TXLNB: variants seen among roughly 807,000 people sequenced by gnomAD.
The protein encoded by TXLNB is taxilin beta, also known as beta-taxilin.
In TXLNB, 37 loss-of-function variants were observed where a neutral mutation model predicts 57.4. That is an observed-to-expected ratio of 0.64 (90% CI 0.50 to 0.85). The LOEUF (loss-of-function observed/expected upper bound fraction) is 0.85, where lower values mean the gene tolerates loss of function less well. Among genes scored for constraint, TXLNB ranks in the 40% least tolerant of loss-of-function variants. TXLNB has a pLI of 0.00. For missense variants in TXLNB, 848 were observed against 825.6 expected (o/e 1.03, Z -0.33); for synonymous variants, 302 against 309.6 (o/e 0.98, Z 0.26).
chr6:139,287,759 G>A (rs1013918253), intron 2 of TXLNB, among the ~76,000 whole-genome samples: 43 of 152,120 alleles, frequency 2.8e-4, no homozygotes, highest in African/African-American at 9.2e-4. Flanking sequence ...AAAAATTAAC[G>A]TTCTCACCCT....
At chr6:139,167,706 A>C in the TXLNB span, among the ~76,000 whole-genome samples, 1 of 152,184 alleles carries the variant, frequency 6.6e-6, no homozygotes, top group Non-Finnish European at 1.5e-5. Flanking sequence ...CAGTGAGGAA[A>C]AGCAGTGGTC....
chr6:139,201,837 G>A, the TXLNB span: 3 of 152,222 alleles, frequency 2.0e-5, no homozygotes, highest in Non-Finnish European at 4.4e-5. Flanking sequence ...CACACTGGCT[G>A]ACTCAAACAC....
chr6:139,181,517 C>T, the TXLNB span, among the ~76,000 whole-genome samples: 1 of 152,184 alleles, frequency 6.6e-6, no homozygotes, highest in African/African-American at 2.4e-5. Context: ...TATTGCGGTG[C>T]TTGTATTCAG....
At chr6:139,318,437 G>A in the TXLNB span, among the ~76,000 whole-genome samples, 1 of 151,650 alleles carries the variant, frequency 6.6e-6, no homozygotes, top group Non-Finnish European at 1.5e-5. Context: ...GAGAATGAGA[G>A]ATAAACAATA....
intron 4 of TXLNB, among the ~76,000 whole-genome samples, chr6:139,269,758 A>G (rs1776710363): frequency 6.6e-6 from 1 of 152,170 alleles, no homozygotes; most frequent in Non-Finnish European, 1.5e-5. Context: ...GGGATTGGGG[A>G]TGCACACAGT....
At chr6:139,291,292 A>G (rs1777296127) in intron 1 of TXLNB, among the ~76,000 whole-genome samples, 1 of 152,194 alleles carries the variant, frequency 6.6e-6, no homozygotes, top group South Asian at 2.1e-4. Context: ...AAATCCATAC[A>G]TGGGTTTTAA....
the TXLNB span, among the ~76,000 whole-genome samples, chr6:139,171,229 G>A: frequency 8.6e-5 from 13 of 151,344 alleles, no homozygotes; most frequent in Middle Eastern, 3.4e-3. Context: ...AGGAAGAAAA[G>A]AGAAAAAAAA....
the TXLNB span, among the ~76,000 whole-genome samples, chr6:139,187,688 C>G: frequency 1.6e-4 from 24 of 152,254 alleles, 1 homozygote; most frequent in Admixed American, 2.0e-4. Flanking sequence ...TGCCTGATAG[C>G]GAGGAGGCTC....
chr6:139,212,626 C>A, the TXLNB span, among the ~76,000 whole-genome samples: 6 of 152,148 alleles, frequency 3.9e-5, no homozygotes, highest in Non-Finnish European at 7.3e-5. Context: ...TCACACATAA[C>A]AATACTAACC....
At chr6:139,253,707 T>C (rs1326641596) in intron 7 of TXLNB, among the ~76,000 whole-genome samples, 1 of 152,150 alleles carries the variant, frequency 6.6e-6, no homozygotes, top group Non-Finnish European at 1.5e-5. Context: ...ATATTTGTAT[T>C]GTACAGGTCA....
At chr6:139,239,055 G>A (rs567238805), downstream of TXLNB, 2 of 152,326 alleles carry the variant, frequency 1.3e-5, no homozygotes, top group East Asian at 3.9e-4. The surrounding 1 kb of genome is among the most constrained non-coding windows in gnomAD (Gnocchi z 4.7). Context: ...AGGCCAAAAG[G>A]AGCAAAATCA....
rs1776317159 is a variant in TXLNB at position 139,255,611 on chromosome 6, GTTTC to G, written c.1026_1029del (p.Trp342CysfsTer7). On this transcript the variant is annotated frameshift_variant, in exon 7 of 10. Coordinates refer to ENST00000358430, the MANE Select transcript of TXLNB (RefSeq NM_153235.4). LOFTEE classifies it high-confidence loss of function. The stretch of plus-strand genomic sequence containing the variant: ...TGCTCCTTCAGCACTTTCGCCTGAA[GTTTC>G]CACTCTGCTGCCTGGTTCAGCAACT... 6.2e-7 allele frequency: 1 copy of G among 1,613,926 alleles called. No homozygotes were observed. Among genetic ancestry groups the G allele is most frequent in the African/African-American group, 1.3e-5 (1 of 75,012 alleles).
At position 139,246,530 on chromosome 6, in the gene TXLNB, C is replaced by T. The variant is rs1008004851; in HGVS notation, c.1170+1287G>A. On this transcript the variant is annotated intron_variant, in intron 8 of 9. Transcript: ENST00000358430. Reference sequence around the variant, plus strand: ...ACTGGCACCTTATATTTGAAAAATACATGTAAAAAGTTAAAATCCCTTCCA... The same window carrying T: ...ACTGGCACCTTATATTTGAAAAATATATGTAAAAAGTTAAAATCCCTTCCA... Among the ~76,000 whole-genome samples, 11 of 152,002 alleles carry T rather than the reference C, an allele frequency of 7.2e-5. 1 individual carries two copies. Among genetic ancestry groups the T allele is most frequent in the African/African-American group, 2.4e-4 (10 of 41,366 alleles).
At chr6:139,322,937 A>C in the TXLNB span, among the ~76,000 whole-genome samples, 1 of 152,166 alleles carries the variant, frequency 6.6e-6, no homozygotes, top group Admixed American at 6.5e-5. Context: ...ATGCTAATTG[A>C]ATAGTGGCTT....
intron 3 of TXLNB, 38 bp from the exon 4 acceptor site, chr6:139,270,664 A>C (rs764521962): frequency 6.3e-7 from 1 of 1,595,056 alleles, no homozygotes; most frequent in East Asian, 2.2e-5. Flanking sequence ...AGAAAATGGC[A>C]GGGATCTCCT....
chr6:139,278,974 A>G (rs1776975423), intron 2 of TXLNB, among the ~76,000 whole-genome samples: 1 of 152,238 alleles, frequency 6.6e-6, no homozygotes, highest in Admixed American at 6.5e-5. Context: ...ACTGCACTCC[A>G]CTGCAAAAAA....
At chr6:139,232,929 C>A in the TXLNB span, among the ~76,000 whole-genome samples, 1 of 152,118 alleles carries the variant, frequency 6.6e-6, no homozygotes, top group Non-Finnish European at 1.5e-5. Flanking sequence ...TATGTGGAAA[C>A]CTGTATGTGT....
the TXLNB span, among the ~76,000 whole-genome samples, chr6:139,300,518 A>G: frequency 6.6e-6 from 1 of 152,122 alleles, no homozygotes; most frequent in South Asian, 2.1e-4. Context: ...GCTTAAAGGG[A>G]GCCCATTACC....
chr6:139,273,658 A>G (rs1776823811), intron 3 of TXLNB, among the ~76,000 whole-genome samples: 1 of 152,094 alleles, frequency 6.6e-6, no homozygotes. Context: ...GGTTCTTGCC[A>G]TATTGTCCAG....
Sources: allele counts gnomAD v4.1 joint callset (sites outside exome capture counted in the v4.1 genomes callset), GRCh38; gene constraint gnomAD v4.1.1; non-coding constraint Gnocchi (gnomAD v3.1); transcripts MANE v1.5; gene names NCBI Gene and HGNC (gene_info 2026-07-23, HGNC 2026-07-21).